The following NCEH1 variants were observed in gnomAD, a reference collection of about 807,000 sequenced individuals.
The protein encoded by NCEH1 is 2-acetyl MAGE hydrolase.
NCEH1 carries 9 observed loss-of-function variants against 25.4 expected under a neutral mutation model. The ratio of observed to expected loss-of-function variants is 0.35; its 90% CI spans 0.21 to 0.62. NCEH1 has a LOEUF of 0.62. NCEH1 is among the 20% of genes least tolerant of loss of function. The pLI, the probability that NCEH1 is intolerant of heterozygous loss-of-function variation, is 0.72. For synonymous variants in NCEH1, 200 were observed against 199.8 expected (o/e 1.00, Z -0.01); for missense variants, 412 against 501.1 (o/e 0.82, Z 1.70).
intron 2 of NCEH1, 39 bp downstream of exon 2, chr3:172,647,847 A>G (rs770024237): frequency 6.2e-7 from 1 of 1,611,720 alleles, no homozygotes; most frequent in East Asian, 2.2e-5. Flanking sequence ...CCCAAGGCCA[A>G]CCACAACAAC....
chr3:172,702,884 CA>C (rs1560210848), intron 1 of NCEH1, among the ~76,000 whole-genome samples: 1 of 152,044 alleles, frequency 6.6e-6, no homozygotes, highest in Non-Finnish European at 1.5e-5. Flanking sequence ...CCCAGCTACT[CA>C]AAAGGCTGAG....
chr3:172,675,558 G>A (rs1452737052), intron 1 of NCEH1, among the ~76,000 whole-genome samples: 10 of 152,048 alleles, frequency 6.6e-5, no homozygotes, highest in African/African-American at 2.2e-4. Flanking sequence ...GAGAGTCTGT[G>A]AAAATCATGA....
intron 1 of NCEH1, among the ~76,000 whole-genome samples, chr3:172,689,622 ACC>A (rs770763401): frequency 1 from 145,714 of 145,722 alleles, 72,853 homozygotes; most frequent in Middle Eastern, 1. Flanking sequence ...AGTCGGGTAG[ACC>A]ACCTGAGCGC....
intron 1 of NCEH1, among the ~76,000 whole-genome samples, chr3:172,678,572 TACA>T (rs968128063): frequency 2.0e-5 from 3 of 152,164 alleles, no homozygotes; most frequent in Admixed American, 1.3e-4. Flanking sequence ...AAAATATCTA[TACA>T]ACAATTGAGA....
At chr3:172,700,761 G>A (rs146532094) in intron 1 of NCEH1, among the ~76,000 whole-genome samples, 10 of 152,178 alleles carry the variant, frequency 6.6e-5, no homozygotes, top group South Asian at 2.1e-4. Context: ...GTGAGCCACC[G>A]TGCCTGGCCC....
chr3:172,648,261 A>G lies in NCEH1; in HGVS notation c.139-147T>C, dbSNP rs980160750. 6.6e-5 allele frequency: 58 copies of G among 883,982 alleles called. 1 individual carries two copies. Among genetic ancestry groups the G allele is most frequent in the South Asian group, 2.5e-4 (14 of 56,664 alleles). The allele number at this position is 883,982 out of a possible 1,614,324, so 54.8% of individuals were successfully genotyped here. A position where few individuals can be genotyped will look rare whatever the true frequency, so the allele number is the denominator to read the frequency against. On this transcript the variant is annotated intron_variant, in intron 1 of 4. Coordinates refer to ENST00000475381, the MANE Select transcript of NCEH1 (RefSeq NM_020792.6). ...TTGAGCCCTTTTAATACAAAAACCA[A>G]TTGTATTTACCTTTTGCTTTTGGAC...
At chr3:172,703,160 C>T (rs1005041516) in intron 1 of NCEH1, 1 of 152,148 alleles carries the variant, frequency 6.6e-6, no homozygotes, top group African/African-American at 2.4e-5. Context: ...AAAACCATAA[C>T]AGTTCAGAGA....
intron 1 of NCEH1, among the ~76,000 whole-genome samples, chr3:172,691,791 T>C (rs1713059398): frequency 6.6e-6 from 1 of 152,176 alleles, no homozygotes; most frequent in African/African-American, 2.4e-5. Flanking sequence ...CTACTAAAAA[T>C]ACAAAAATTA....
intron 3 of NCEH1, 48 bp from the exon 4 acceptor site, chr3:172,636,135 G>C: frequency 2.1e-6 from 3 of 1,404,074 alleles, no homozygotes; most frequent in Non-Finnish European, 3.0e-6. Context: ...CCAATTTTGG[G>C]GGACATTTAA....
intron 1 of NCEH1, among the ~76,000 whole-genome samples, chr3:172,668,428 C>A (rs1718331239): frequency 7.1e-6 from 1 of 141,520 alleles, no homozygotes; most frequent in Non-Finnish European, 1.5e-5. Flanking sequence ...AATCTCGGCT[C>A]ACTACAAGCT....
intron 3 of NCEH1, among the ~76,000 whole-genome samples, chr3:172,641,443 A>C (rs1716848072): frequency 6.6e-6 from 1 of 152,154 alleles, no homozygotes. Context: ...TGGTGCTCAT[A>C]AGAGGTGATT....
At chr3:172,636,992 T>G (rs1716624650) in intron 3 of NCEH1, among the ~76,000 whole-genome samples, 2 of 152,206 alleles carry the variant, frequency 1.3e-5, no homozygotes, top group South Asian at 4.1e-4. Flanking sequence ...CTTGGTCATA[T>G]CTCCACTTGC....
At chr3:172,662,753 A>T (rs1718026500) in intron 1 of NCEH1, among the ~76,000 whole-genome samples, 1 of 152,216 alleles carries the variant, frequency 6.6e-6, no homozygotes, top group Non-Finnish European at 1.5e-5. Flanking sequence ...TTATTTGCGT[A>T]GAGGTGTTCA....
rs533652840 is a variant in NCEH1 at position 172,642,235 on chromosome 3, G to A, written c.437+3388C>T. 1.3e-4 allele frequency among the ~76,000 whole-genome samples: 19 copies of A among 151,846 alleles called. No individual in the cohort carries two copies. The South Asian group carries it at 3.8e-3, about 30-fold the overall frequency. ...GTCACCCAGGCTGGAGTGCAGTGGC[G>A]CAATCTCAGCTCACTGCAGCCTTGA... On this transcript the variant is annotated intron_variant, in intron 3 of 4. Coordinates refer to ENST00000475381, the MANE Select transcript of NCEH1 (RefSeq NM_020792.6).
At chr3:172,650,436 G>A (rs1717340613) in intron 1 of NCEH1, among the ~76,000 whole-genome samples, 3 of 152,012 alleles carry the variant, frequency 2.0e-5, no homozygotes, top group South Asian at 4.1e-4. Flanking sequence ...GAGGTCAGGA[G>A]ATCGAGACCA....
Position 172,658,938 on chromosome 3 carries a change from T to C in NCEH1, c.139-10824A>G, listed in dbSNP as rs181430788. ...CTGGCTTAGCTCCAAAATCCTCCTA[T>C]AGTCTACAGGATATGTCAAGGGCAG... is the stretch of plus-strand genomic sequence containing the variant. On this transcript the variant is annotated intron_variant, in intron 1 of 4. Coordinates refer to ENST00000475381, the MANE Select transcript of NCEH1 (RefSeq NM_020792.6). Among the ~76,000 whole-genome samples the C allele has an allele frequency of 2.0e-5, 3 of 148,512 alleles. No individual in the cohort carries two copies. The Admixed American group carries it at 2.0e-4, about 10-fold the overall frequency.
In NCEH1 at chr3:172,676,169, G is replaced by GT. The variant is rs1362866773; in HGVS notation, c.139-28056dup. On this transcript the variant is annotated intron_variant, in intron 1 of 4. Transcript: ENST00000475381. ...AATAATACAGGTGTTACTTAAAAAA[G>GT]TTTTTTTAGGCAGAGAGAGAGGCTA... Among the ~76,000 whole-genome samples the GT allele has an allele frequency of 5.3e-5, 8 of 152,084 alleles. No homozygotes were observed. In the South Asian group the frequency reaches 8.3e-4, roughly 16 times the overall value.
At position 172,710,830 on chromosome 3, in the gene NCEH1, G is replaced by T; in HGVS notation, c.138+17C>A. 6.2e-7 allele frequency: 1 copy of T among 1,613,292 alleles called. No homozygotes were observed. ...GTAAGAGGAGGAAGAGAGAAGCAGC[G>T]CTGGGCTGCACCTCACCACTTGCTG... On this transcript the variant is annotated intron_variant, in intron 1 of 4. Coordinates refer to ENST00000475381, the MANE Select transcript of NCEH1 (RefSeq NM_020792.6).
chr3:172,690,139 G>A (rs1056351550), intron 1 of NCEH1, among the ~76,000 whole-genome samples: 20 of 151,876 alleles, frequency 1.3e-4, no homozygotes, highest in Admixed American at 1.3e-3. Context: ...TCCTCACCTC[G>A]TGATCCACCC....
Sources: gnomAD v4.1 joint callset for allele counts (sites outside exome capture counted in the v4.1 genomes callset) on GRCh38, gnomAD v4.1.1 for gene constraint, MANE v1.5 for transcripts, NCBI Gene and HGNC (gene_info 2026-07-23, HGNC 2026-07-21) for gene names.